The following DHX34 variants were observed in gnomAD, a reference collection of about 807,000 sequenced individuals.
The protein encoded by DHX34 is probable ATP-dependent RNA helicase DHX34.
A neutral mutation model predicts 111.1 loss-of-function variants in DHX34; 96 were observed. The ratio of observed to expected loss-of-function variants is 0.86; its 90% CI spans 0.73 to 1.02. The LOEUF (loss-of-function observed/expected upper bound fraction) is 1.02. Among genes scored for constraint, DHX34 ranks in the 50% least tolerant of loss-of-function variants. The pLI, the probability that DHX34 is intolerant of heterozygous loss-of-function variation, is 0.00. For synonymous variants in DHX34, 688 were observed against 670.4 expected (o/e 1.03, Z -0.41); for missense variants, 1,560 against 1,579.9 (o/e 0.99, Z 0.21).
In DHX34 at chr19:47,380,934, C is replaced by A; in HGVS notation, c.3101C>A (p.Pro1034His). The change falls in exon 15 of 17, where the codon CCC (proline) becomes CAC (histidine). Residue 1034 changes from proline (P) to histidine (H), a missense_variant. Transcript: ENST00000328771. ...PGLFGSSTLS[P>H]HPTKGGYAVT... ...CTCTTTGGCAGCTCCACCCTGTCCC[C>A]CCACCCCACAAAGGGGGGCTACGCA... The A allele has an allele frequency of 2.5e-6, 4 of 1,608,628 alleles. No homozygotes were observed. The highest frequency in any genetic ancestry group is 3.4e-6 in the Non-Finnish European group (4 of 1,177,428).
chr19:47,370,243 C>T (rs1487576081), intron 7 of DHX34, among the ~76,000 whole-genome samples: 1 of 152,162 alleles, frequency 6.6e-6, no homozygotes, highest in African/African-American at 2.4e-5. Flanking sequence ...CATGACAGGG[C>T]CTCCCTTGGG....
intron 1 of DHX34, among the ~76,000 whole-genome samples, chr19:47,351,091 A>G (rs543863602): frequency 6.6e-6 from 1 of 151,506 alleles, no homozygotes; most frequent in Non-Finnish European, 1.5e-5. Flanking sequence ...AGATACCTTG[A>G]GAGGAGCGGG....
At chr19:47,372,631 AGCAGGAGGGCAG>A (rs1381674178) in intron 7 of DHX34, 87 bp from the exon 8 acceptor site, 23 of 1,450,968 alleles carry the variant, frequency 1.6e-5, no homozygotes, top group South Asian at 5.8e-5. Flanking sequence ...AGGGGGTGGG[AGCAGGAGGGCAG>A]GCGGGAGGGC....
chr19:47,366,078 A>T (rs2122276107), intron 6 of DHX34, among the ~76,000 whole-genome samples: 1 of 152,210 alleles, frequency 6.6e-6, no homozygotes, highest in African/African-American at 2.4e-5. Context: ...ATAGCCTTCC[A>T]TCCTGGCCAC....
intron 13 of DHX34, among the ~76,000 whole-genome samples, chr19:47,378,033 G>A (rs980672514): frequency 4.6e-5 from 7 of 152,248 alleles, no homozygotes; most frequent in African/African-American, 1.7e-4. Flanking sequence ...GCGGGGATAC[G>A]TCACCTAAGT....
intron 7 of DHX34, among the ~76,000 whole-genome samples, chr19:47,370,040 T>G (rs1477945547): frequency 6.6e-6 from 1 of 152,176 alleles, no homozygotes; most frequent in African/African-American, 2.4e-5. Context: ...CCTCTGACCC[T>G]GTCGTTCTTG....
At chr19:47,366,392 T>C (rs898540262) in intron 6 of DHX34, among the ~76,000 whole-genome samples, 2 of 152,190 alleles carry the variant, frequency 1.3e-5, no homozygotes, top group African/African-American at 4.8e-5. Context: ...GCAATTCTCC[T>C]GCCTCAGCCT....
chr19:47,363,206 G>A (rs984880780), intron 6 of DHX34, among the ~76,000 whole-genome samples: 1 of 151,784 alleles, frequency 6.6e-6, no homozygotes, highest in Non-Finnish European at 1.5e-5. Context: ...CACCCTCCTC[G>A]GCCTCCCAAA....
chr19:47,380,893 C>G lies in DHX34; in HGVS notation c.3060C>G (p.Thr1020=), dbSNP rs766216329. 1 of 1,613,578 alleles carries G rather than the reference C, an allele frequency of 6.2e-7. No individual in the cohort carries two copies. Residue 1020 remains threonine, a synonymous_variant, in exon 15 of 17, where the codon ACC becomes ACG. Transcript: ENST00000328771. ...TGGGACCCCAGACCATCCCAGCCAC[C>G]CCCCATCTTCCTGGCCTCTTTGGCA... The part of the protein sequence containing the change: ...MYVGPQTIPA[T]PHLPGLFGSS...
intron 13 of DHX34, among the ~76,000 whole-genome samples, chr19:47,378,051 C>G (rs1194034815): frequency 1.3e-5 from 2 of 152,142 alleles, no homozygotes; most frequent in African/African-American, 2.4e-5. Flanking sequence ...AGTCACACAC[C>G]GAGCAGGTGG....
At chr19:47,349,946 G>A (rs1489232337) in intron 1 of DHX34, among the ~76,000 whole-genome samples, 1 of 152,114 alleles carries the variant, frequency 6.6e-6, no homozygotes, top group African/African-American at 2.4e-5. Flanking sequence ...CGAACCCCTG[G>A]ATTTGAGTGG....
At chr19:47,376,302 AG>A (rs1478546710) in intron 11 of DHX34, 140 bp from the exon 12 acceptor site, 14 of 1,504,756 alleles carry the variant, frequency 9.3e-6, no homozygotes, top group South Asian at 1.3e-5. Context: ...AGGAGCCCAC[AG>A]GGGGCATCTG....
At chr19:47,368,279 ATCAT>A (rs1969854514) in intron 7 of DHX34, among the ~76,000 whole-genome samples, 1 of 141,538 alleles carries the variant, frequency 7.1e-6, no homozygotes, top group South Asian at 2.3e-4. Context: ...CAACAGTCTC[ATCAT>A]TCATTCATTA....
rs868448246 is a variant in DHX34 at position 47,365,547 on chromosome 19, C to T, written c.1594-1434C>T. On this transcript the variant is annotated intron_variant, in intron 6 of 16. Coordinates refer to ENST00000328771, the MANE Select transcript of DHX34 (RefSeq NM_014681.6). ...GATTACAGGCATGAGCCACCGCGCCCGGCCTATAAAGGTTTTTAAATGAGT... is the reference window on the plus strand; with the variant it reads ...GATTACAGGCATGAGCCACCGCGCCTGGCCTATAAAGGTTTTTAAATGAGT... Among the ~76,000 whole-genome samples the T allele has an allele frequency of 7.2e-5, 11 of 152,110 alleles. No individual in the cohort carries two copies. The South Asian group carries it at 1.0e-3, about 14-fold the overall frequency.
intron 6 of DHX34, among the ~76,000 whole-genome samples, chr19:47,363,703 G>A (rs113530359): frequency 0.021 from 3,178 of 151,672 alleles, 46 homozygotes; most frequent in Middle Eastern, 0.041. Flanking sequence ...CTGTAAGCCC[G>A]GCTATTTGGG....
rs1213614228 is a variant in DHX34 at position 47,377,087 on chromosome 19, C to T, written c.2600-13C>T. ...GCCAGGGTGGGCCTGAGCGGTCCTC[C>T]TCAACCTTTCAGACGACAAGGACAA... On this transcript the variant is annotated splice_polypyrimidine_tract_variant and intron_variant, in intron 12 of 16. Transcript: ENST00000328771. 3.7e-6 allele frequency: 6 copies of T among 1,613,790 alleles called. No individual in the cohort carries two copies. Among genetic ancestry groups the T allele is most frequent in the Non-Finnish European group, 5.1e-6 (6 of 1,179,904 alleles).
At position 47,372,904 on chromosome 19, in the gene DHX34, T is replaced by TCTTCAACGC. The variant is rs748395581; in HGVS notation, c.1946_1954dup (p.Phe649_Ala651dup). ...GGTGACCCCTTCACGCTCTTCAACG[T>TCTTCAACGC]CTTCAACGCCTGGGTGCAGGTGAGG... On this transcript the variant is annotated inframe_insertion, in exon 8 of 17. Coordinates refer to ENST00000328771, the MANE Select transcript of DHX34 (RefSeq NM_014681.6). 2 of 1,602,972 alleles carry TCTTCAACGC rather than the reference T, an allele frequency of 1.2e-6. No individual in the cohort carries two copies. The highest frequency in any genetic ancestry group is 1.7e-6 in the Non-Finnish European group (2 of 1,178,086).
At chr19:47,356,456 C>T (rs1459064084) in intron 3 of DHX34, among the ~76,000 whole-genome samples, 1 of 151,944 alleles carries the variant, frequency 6.6e-6, no homozygotes, top group Non-Finnish European at 1.5e-5. Context: ...ATGGTGAAAT[C>T]CCATCTCCAC....
intron 7 of DHX34, 60 bp from the exon 8 acceptor site, chr19:47,372,670 G>T: frequency 4.0e-6 from 6 of 1,484,950 alleles, no homozygotes; most frequent in South Asian, 2.7e-5. Context: ...GGGCCCCGAG[G>T]GGTGAGGGCT....
Sources: gnomAD v4.1 joint callset for allele counts (sites outside exome capture counted in the v4.1 genomes callset) on GRCh38, gnomAD v4.1.1 for gene constraint, MANE v1.5 for transcripts, NCBI Gene and HGNC (gene_info 2026-07-23, HGNC 2026-07-21) for gene names.